The following SCAPER variants were observed in gnomAD, a reference collection of about 807,000 sequenced individuals.
SCAPER encodes S phase cyclin A-associated protein in the endoplasmic reticulum.
In SCAPER, 98 loss-of-function variants were observed where a neutral mutation model predicts 182.2. The ratio of observed to expected loss-of-function variants is 0.54; its 90% CI spans 0.46 to 0.64. The LOEUF is 0.64. SCAPER is among the 30% of genes least tolerant of loss of function. The pLI is 0.00. For synonymous variants in SCAPER, 605 were observed against 564.6 expected (o/e 1.07, Z -1.01); for missense variants, 1,432 against 1,690.0 (o/e 0.85, Z 2.68).
chr15:76,465,727 A>AT (rs2049556542), intron 25 of SCAPER, among the ~76,000 whole-genome samples: 1 of 152,014 alleles, frequency 6.6e-6, no homozygotes, highest in South Asian at 2.1e-4. Flanking sequence ...TGTTTAATCA[A>AT]TTTTGAGTTT....
intron 8 of SCAPER, among the ~76,000 whole-genome samples, chr15:76,784,924 A>G (rs1212498500): frequency 1.3e-5 from 2 of 152,210 alleles, no homozygotes; most frequent in Non-Finnish European, 2.9e-5. Flanking sequence ...AACCATAAAA[A>G]CTCTAGAAGA....
At chr15:76,670,591 T>C (rs1482590624) in intron 20 of SCAPER, among the ~76,000 whole-genome samples, 2 of 152,238 alleles carry the variant, frequency 1.3e-5, no homozygotes, top group African/African-American at 4.8e-5. Flanking sequence ...AGACTTTTGA[T>C]AACTATTCTC....
intron 31 of SCAPER, chr15:76,349,215 AAAAAC>A (rs2040374132): frequency 2.0e-5 from 3 of 152,466 alleles, no homozygotes; most frequent in East Asian, 1.9e-4. Context: ...ACAAAAAACA[AAAAAC>A]AAAAAAAAGA....
intron 15 of SCAPER, 85 bp from the exon 16 acceptor site, chr15:76,733,469 C>T: frequency 6.7e-7 from 1 of 1,488,682 alleles, no homozygotes; most frequent in Non-Finnish European, 9.0e-7. Flanking sequence ...AACAGTCAGG[C>T]TGGGCGTGGT....
chr15:76,454,118 C>T (rs962575694), intron 25 of SCAPER, among the ~76,000 whole-genome samples: 2 of 152,130 alleles, frequency 1.3e-5, no homozygotes, highest in African/African-American at 4.8e-5. Context: ...CACTTAGCAC[C>T]CATCCCCCTT....
intron 27 of SCAPER, among the ~76,000 whole-genome samples, chr15:76,398,206 C>G (rs1567058502): frequency 1.3e-5 from 2 of 152,204 alleles, no homozygotes. Flanking sequence ...TCCCCACAGA[C>G]AAGTAACCGT....
In SCAPER at chr15:76,765,562, C is replaced by T. The variant is rs1598598205; in HGVS notation, c.1495+1G>A. 20 of 1,598,222 alleles carry T rather than the reference C, an allele frequency of 1.3e-5. No individual in the cohort carries two copies. Among genetic ancestry groups the T allele is most frequent in the Non-Finnish European group, 1.7e-5 (20 of 1,171,294 alleles). ...ACACCCAATATGCATATACACAATACCTTCATAATCTGCAAGGACATCGTT... is the reference window on the plus strand; with the variant it reads ...ACACCCAATATGCATATACACAATATCTTCATAATCTGCAAGGACATCGTT... On this transcript the variant is annotated splice_donor_variant, in intron 12 of 31. Coordinates refer to ENST00000563290, the MANE Select transcript of SCAPER (RefSeq NM_020843.4). LOFTEE classifies it high-confidence loss of function.
At chr15:76,369,217 A>C (rs2041992336) in intron 29 of SCAPER, among the ~76,000 whole-genome samples, 3 of 152,224 alleles carry the variant, frequency 2.0e-5, no homozygotes, top group African/African-American at 7.2e-5. Context: ...GCAGGCTTTC[A>C]GGATGCCCTG....
intron 27 of SCAPER, among the ~76,000 whole-genome samples, chr15:76,387,711 T>C (rs1361352861): frequency 6.6e-6 from 1 of 152,074 alleles, no homozygotes; most frequent in Non-Finnish European, 1.5e-5. Flanking sequence ...AAAGATAGCT[T>C]CAAGGAGGAG....
At chr15:76,570,224 T>C (rs2047339258) in intron 23 of SCAPER, among the ~76,000 whole-genome samples, 1 of 152,166 alleles carries the variant, frequency 6.6e-6, no homozygotes, top group South Asian at 2.1e-4. Flanking sequence ...GTACTTCCTG[T>C]CTACCCTTTT....
chr15:76,689,514 T>C (rs1453584280), intron 20 of SCAPER, among the ~76,000 whole-genome samples: 3 of 151,928 alleles, frequency 2.0e-5, no homozygotes, highest in Non-Finnish European at 4.4e-5. Context: ...AATTATTGAC[T>C]CAAGAACACC....
chr15:76,708,679 C>A (rs1398430558), intron 17 of SCAPER, among the ~76,000 whole-genome samples: 1 of 152,060 alleles, frequency 6.6e-6, no homozygotes, highest in Admixed American at 6.6e-5. Flanking sequence ...GCAATGAAAC[C>A]AAAGGTTAGT....
intron 26 of SCAPER, among the ~76,000 whole-genome samples, chr15:76,406,615 T>TACACAC (rs36219509): frequency 1.1e-4 from 17 of 149,594 alleles, no homozygotes; most frequent in African/African-American, 4.0e-4. Context: ...AGACCCTGTC[T>TACACAC]ACACACACAC....
chr15:76,853,785 C>T (rs1253318618), intron 4 of SCAPER, among the ~76,000 whole-genome samples: 1 of 152,172 alleles, frequency 6.6e-6, no homozygotes, highest in Non-Finnish European at 1.5e-5. Context: ...CTCGCCACTC[C>T]TATTCAATAC....
chr15:76,541,310 A>G (rs2044735791), intron 23 of SCAPER, among the ~76,000 whole-genome samples: 1 of 152,174 alleles, frequency 6.6e-6, no homozygotes. Flanking sequence ...AGCTGCTCTA[A>G]TCAACTTTAT....
intron 29 of SCAPER, among the ~76,000 whole-genome samples, chr15:76,364,334 A>C (rs2041663279): frequency 6.6e-6 from 1 of 152,178 alleles, no homozygotes; most frequent in South Asian, 2.1e-4. Flanking sequence ...TAGCACCAGC[A>C]AAGTGTCAAG....
At chr15:76,485,355 C>G (rs777607167) in intron 24 of SCAPER, among the ~76,000 whole-genome samples, 8 of 152,046 alleles carry the variant, frequency 5.3e-5, no homozygotes, top group Non-Finnish European at 1.0e-4. Flanking sequence ...ACAAGGAGAA[C>G]TACAAAACAC....
At chr15:76,857,973 T>C in intron 3 of SCAPER, 94 bp from the exon 4 acceptor site, 1 of 854,744 alleles carries the variant, frequency 1.2e-6, no homozygotes, top group South Asian at 1.7e-5. Context: ...AAACCTAAAC[T>C]ACGCAAATCA....
intron 31 of SCAPER, chr15:76,350,016 AT>A (rs2040429225): frequency 6.6e-6 from 1 of 152,198 alleles, no homozygotes; most frequent in South Asian, 2.1e-4. Context: ...AATACATTAG[AT>A]TTTTCTAAGC....
Sources: gnomAD v4.1 joint callset for allele counts (sites outside exome capture counted in the v4.1 genomes callset) on GRCh38, gnomAD v4.1.1 for gene constraint, MANE v1.5 for transcripts, NCBI Gene and HGNC (gene_info 2026-07-23, HGNC 2026-07-21) for gene names.